The following SUGCT variants were observed in gnomAD, a reference collection of about 807,000 sequenced individuals.
SUGCT encodes the protein succinyl-CoA:glutarate CoA-transferase.
Under a neutral mutation model 55.0 loss-of-function variants are expected in SUGCT, and 41 were observed. The observed-to-expected ratio is 0.74, with a 90% CI of 0.58 to 0.97. SUGCT has a LOEUF of 0.97. SUGCT is among the 50% of genes least tolerant of loss of function. The pLI is 0.00. For missense variants in SUGCT, 568 were observed against 547.8 expected, an observed-to-expected ratio of 1.04 and a Z score of -0.37; for synonymous variants, 187 against 200.4, an observed-to-expected ratio of 0.93 and a Z score of 0.56.
chr7:40,431,059 A>G (rs1046342296), intron 9 of SUGCT, among the ~76,000 whole-genome samples: 2 of 150,914 alleles, frequency 1.3e-5, no homozygotes, highest in Non-Finnish European at 2.9e-5. Flanking sequence ...CGGAGGTTAC[A>G]GTAAGCCAAG....
At chr7:40,696,004 GA>G (rs1784918744) in intron 12 of SUGCT, among the ~76,000 whole-genome samples, 1 of 152,158 alleles carries the variant, frequency 6.6e-6, no homozygotes, top group Non-Finnish European at 1.5e-5. Flanking sequence ...TTTCTGATTA[GA>G]AAATGCTTGT....
chr7:40,597,249 G>A (rs1344375606), intron 12 of SUGCT, among the ~76,000 whole-genome samples: 2 of 152,170 alleles, frequency 1.3e-5, no homozygotes, highest in Admixed American at 1.3e-4. Context: ...TTATCAAACA[G>A]GGAATTGTTC....
chr7:40,698,399 G>A (rs975851270), intron 12 of SUGCT, among the ~76,000 whole-genome samples: 3 of 152,186 alleles, frequency 2.0e-5, no homozygotes, highest in African/African-American at 7.2e-5. Context: ...CTCTTCAAGG[G>A]TGGAATGCAG....
rs188973908 is a variant in SUGCT at position 40,556,179 on chromosome 7, C to T, written c.1089+59793C>T. On this transcript the variant is annotated intron_variant, in intron 12 of 13. Transcript: ENST00000335693. ...TTAAGTCTATCCTCCACCTTCAGCA[C>T]GCTTTGTTCCTAACAACTTGAACTT... is the stretch of plus-strand genomic sequence containing the variant. 1.4e-3 allele frequency among the ~76,000 whole-genome samples: 207 copies of T among 152,254 alleles called. 4 individuals are homozygous for T. In the South Asian group the frequency reaches 0.034, roughly 25 times the overall value.
intron 9 of SUGCT, among the ~76,000 whole-genome samples, chr7:40,333,684 TATATATATATATATATATAA>T (rs1295364888): frequency 2.5e-5 from 3 of 119,428 alleles, no homozygotes; most frequent in Non-Finnish European, 5.0e-5. Context: ...TATATATATA[TATATATATATATATATATAA>T]ATATTTATAA....
chr7:40,478,978 C>A (rs963139277), intron 11 of SUGCT, among the ~76,000 whole-genome samples: 2 of 151,774 alleles, frequency 1.3e-5, no homozygotes, highest in Non-Finnish European at 2.9e-5. Context: ...ATATATTGTC[C>A]TCTGGGTTCA....
chr7:40,282,508 CAAACA>C lies in SUGCT; in HGVS notation c.720+7855_720+7859del, dbSNP rs1258920177. ...ACAAAAACAAAAACAAACAAACAAA[CAAACA>C]AACAAAAAAACCAACTGGATATTCA... On this transcript the variant is annotated intron_variant, in intron 8 of 13. Coordinates refer to ENST00000335693, the MANE Select transcript of SUGCT (RefSeq NM_001193313.2). Among the ~76,000 whole-genome samples the C allele has an allele frequency of 2.0e-5, 3 of 151,410 alleles. No homozygotes were observed. The East Asian group carries it at 5.8e-4, about 29-fold the overall frequency.
chr7:40,752,349 T>G (rs951189086), intron 13 of SUGCT, among the ~76,000 whole-genome samples: 3 of 152,148 alleles, frequency 2.0e-5, no homozygotes. Context: ...CCAAGCAAAT[T>G]TTATTTTTTA....
At chr7:40,959,664 G>A in the SUGCT span, among the ~76,000 whole-genome samples, 3 of 151,746 alleles carry the variant, frequency 2.0e-5, no homozygotes, top group Non-Finnish European at 4.4e-5. Flanking sequence ...CCCCTTTCCA[G>A]GGCAGTGAGC....
At chr7:40,619,706 A>C (rs1339951619) in intron 12 of SUGCT, among the ~76,000 whole-genome samples, 1 of 152,176 alleles carries the variant, frequency 6.6e-6, no homozygotes, top group Non-Finnish European at 1.5e-5. Context: ...CCTATCTTTT[A>C]TCTCAAAGTT....
intron 13 of SUGCT, among the ~76,000 whole-genome samples, chr7:40,822,200 G>C (rs935651283): frequency 2.0e-5 from 3 of 152,144 alleles, no homozygotes; most frequent in African/African-American, 7.2e-5. Flanking sequence ...GGTCAATTTT[G>C]TAATAAGTGC....
intron 12 of SUGCT, among the ~76,000 whole-genome samples, chr7:40,552,174 A>G (rs1447518246): frequency 1.3e-5 from 2 of 152,190 alleles, no homozygotes; most frequent in African/African-American, 4.8e-5. Context: ...TGAAAGGGAC[A>G]GGCGGTGGTT....
At chr7:40,854,586 A>G (rs554016447) in intron 13 of SUGCT, among the ~76,000 whole-genome samples, 58 of 152,062 alleles carry the variant, frequency 3.8e-4, no homozygotes, top group Non-Finnish European at 5.6e-4. Context: ...AGAGTTTGCA[A>G]ATAACTTCAT....
Position 40,473,392 on chromosome 7 carries a change from T to G in SUGCT, c.986+14194T>G, listed in dbSNP as rs540627453. On this transcript the variant is annotated intron_variant, in intron 11 of 13. Coordinates refer to ENST00000335693, the MANE Select transcript of SUGCT (RefSeq NM_001193313.2). ...AGCAATAGTAGTTGGATGTGATATT[T>G]GATTGAAATATTATTTTTCAGTGCA... 5.9e-5 allele frequency among the ~76,000 whole-genome samples: 9 copies of G among 152,310 alleles called. No individual in the cohort carries two copies. In the East Asian group the frequency reaches 1.7e-3, roughly 29 times the overall value.
At chr7:40,686,891 G>T (rs1296221369) in intron 12 of SUGCT, among the ~76,000 whole-genome samples, 1 of 152,086 alleles carries the variant, frequency 6.6e-6, no homozygotes, top group African/African-American at 2.4e-5. Context: ...AGAAGCTGGG[G>T]GAGGGGCAAT....
At chr7:40,678,136 T>C (rs1784085761) in intron 12 of SUGCT, among the ~76,000 whole-genome samples, 1 of 152,216 alleles carries the variant, frequency 6.6e-6, no homozygotes, top group Non-Finnish European at 1.5e-5. Flanking sequence ...TCCTTACTTC[T>C]GCAGTATTTT....
chr7:40,892,483 A>AAAATGTC, the SUGCT span, among the ~76,000 whole-genome samples: 1 of 152,236 alleles, frequency 6.6e-6, no homozygotes, highest in Non-Finnish European at 1.5e-5. Flanking sequence ...AACAATAAAC[A>AAAATGTC]AAATGTCAAC....
chr7:40,247,121 A>C (rs992676758), intron 7 of SUGCT, among the ~76,000 whole-genome samples: 1 of 152,070 alleles, frequency 6.6e-6, no homozygotes, highest in Non-Finnish European at 1.5e-5. Context: ...ATATACCTAC[A>C]AGTGAAAAAC....
intron 9 of SUGCT, among the ~76,000 whole-genome samples, chr7:40,402,034 G>A (rs913503940): frequency 5.3e-5 from 8 of 151,892 alleles, no homozygotes; most frequent in African/African-American, 4.8e-5. Flanking sequence ...TATTAAACAC[G>A]CATAACAATA....
Sources: allele counts gnomAD v4.1 joint callset (sites outside exome capture counted in the v4.1 genomes callset), GRCh38; gene constraint gnomAD v4.1.1; transcripts MANE v1.5; gene names NCBI Gene and HGNC (gene_info 2026-07-23, HGNC 2026-07-21).